MFNG: variants seen among roughly 807,000 people sequenced by gnomAD.
MFNG encodes the protein beta-1,3-N-acetylglucosaminyltransferase manic fringe.
A neutral mutation model predicts 34.2 loss-of-function variants in MFNG; 24 were observed. The observed-to-expected ratio is 0.70, with a 90% CI of 0.51 to 0.99. The LOEUF is 0.99. MFNG is among the 50% of genes least tolerant of loss of function. The pLI, the probability that MFNG is intolerant of heterozygous loss-of-function variation, is 0.00. For synonymous variants in MFNG, 158 were observed against 179.2 expected (o/e 0.88, Z 0.94); for missense variants, 383 against 424.0 (o/e 0.90, Z 0.85).
rs542183212 is a variant in MFNG at position 37,485,372 on chromosome 22, G to A, written c.255+551C>T. ...ACACCCGGGGCAGCAGAGACACAGCGGCAGGGGCTATCGGGAAGGCCGAAG... is the reference window on the plus strand; with the variant it reads ...ACACCCGGGGCAGCAGAGACACAGCAGCAGGGGCTATCGGGAAGGCCGAAG... On this transcript the variant is annotated intron_variant, in intron 1 of 7. Coordinates refer to ENST00000356998, the MANE Select transcript of MFNG (RefSeq NM_002405.4). The surrounding 1 kb of genome is among the most constrained non-coding windows in gnomAD (Gnocchi z 5.3). Among the ~76,000 whole-genome samples, 7 of 152,336 alleles carry A rather than the reference G, an allele frequency of 4.6e-5. No homozygotes were observed. Among genetic ancestry groups the A allele is most frequent in the East Asian group, 1.9e-4 (1 of 5,178 alleles).
intron 3 of MFNG, among the ~76,000 whole-genome samples, 174 bp downstream of exon 3, chr22:37,480,015 GCCATTTTC>G (rs1922220497): frequency 1.3e-5 from 2 of 151,740 alleles, no homozygotes; most frequent in South Asian, 4.2e-4. Context: ...AAAAAAAAAA[GCCATTTTC>G]CCAAGGTCAC....
intron 6 of MFNG, among the ~76,000 whole-genome samples, chr22:37,473,715 A>C (rs1288369373): frequency 6.6e-6 from 1 of 152,212 alleles, no homozygotes; most frequent in Non-Finnish European, 1.5e-5. Flanking sequence ...CTCTCCTCCG[A>C]TAGTGGGGGG....
chr22:37,486,098 T>A lies in MFNG; in HGVS notation c.80A>T (p.His27Leu), dbSNP rs753916549. The A allele has an allele frequency of 1.1e-5, 18 of 1,612,684 alleles. 1 individual carries two copies. In the East Asian group the frequency reaches 1.6e-4, roughly 14 times the overall value. ...TACCCGCTGCGGGGACAGGTTCAAG[T>A]GGTACCGCAGACACAGGAGCCCCAT... ...LCMGLLCLRY[H>L]LNLSPQRVQG... The change falls in exon 1 of 8, where the codon CAC (histidine) becomes CTC (leucine). Residue 27 changes from histidine to leucine, a missense_variant. Physicochemically the swap from His to Leu is moderately conservative, Grantham distance 99 (BLOSUM62 -3). Transcript: ENST00000356998.
At position 37,482,856 on chromosome 22, in the gene MFNG, C is replaced by G. The variant is rs1922365611; in HGVS notation, c.256-2087G>C. Reference sequence around the variant, plus strand: ...GTCAGATTTAGCGAATGCTGGAGGTCTCTGGATTTCCGCAGGGGGAAATGG... The same window carrying G: ...GTCAGATTTAGCGAATGCTGGAGGTGTCTGGATTTCCGCAGGGGGAAATGG... On this transcript the variant is annotated intron_variant, in intron 1 of 7. Coordinates refer to ENST00000356998, the MANE Select transcript of MFNG (RefSeq NM_002405.4). This position sits in a 1 kb window ranked among gnomAD's most constrained non-coding sequence, Gnocchi z 4.1. 2.0e-5 allele frequency among the ~76,000 whole-genome samples: 3 copies of G among 152,290 alleles called. No homozygotes were observed. In the South Asian group the frequency reaches 6.2e-4, roughly 32 times the overall value.
rs796217351 is a variant in MFNG, at chr22:37,473,428, CA to C, written c.814-901del. 7.4e-3 allele frequency among the ~76,000 whole-genome samples: 1,069 copies of C among 143,894 alleles called. 8 individuals carry two copies. Among genetic ancestry groups the C allele is most frequent in the African/African-American group, 0.024 (955 of 39,358 alleles). The allele number at this position is 143,894 out of a possible 152,430, so 94.4% of individuals were successfully genotyped here. On this transcript the variant is annotated intron_variant, in intron 6 of 7. Coordinates refer to ENST00000356998, the MANE Select transcript of MFNG (RefSeq NM_002405.4). ...TGGGCAACAGAGCGAGACTCTATCTCAAAAAAAAAAAGAAGGGAAGGACCCC... is the reference window on the plus strand; with the variant it reads ...TGGGCAACAGAGCGAGACTCTATCTCAAAAAAAAAAGAAGGGAAGGACCCC...
intron 7 of MFNG, among the ~76,000 whole-genome samples, chr22:37,471,281 T>C (rs892973146): frequency 7.2e-5 from 11 of 152,224 alleles, no homozygotes; most frequent in African/African-American, 2.7e-4. Context: ...ACCCATTGCA[T>C]GTCACTACAA....
chr22:37,478,233 G>A (rs1345740378), intron 4 of MFNG, among the ~76,000 whole-genome samples: 2 of 152,080 alleles, frequency 1.3e-5, no homozygotes, highest in African/African-American at 2.4e-5. Flanking sequence ...GTTGAGCCCC[G>A]CTGTGTGCCC....
At chr22:37,480,136 C>A in intron 3 of MFNG, 61 bp downstream of exon 3, 2 of 1,388,868 alleles carry the variant, frequency 1.4e-6, no homozygotes, top group Admixed American at 3.6e-5. Flanking sequence ...CCCAGGAGTC[C>A]CAGGGGTTAT....
rs1922179079 is a variant in MFNG, at chr22:37,479,323, AAG to A, written c.561+20_561+21del. ...CTTGGGATCAGCGGGCCAAGGGGCA[AAG>A]GAGGAGGAGAGGGACCCACCGTGCG... On this transcript the variant is annotated intron_variant, in intron 4 of 7. Coordinates refer to ENST00000356998, the MANE Select transcript of MFNG (RefSeq NM_002405.4). 2 of 1,542,492 alleles carry A rather than the reference AAG, an allele frequency of 1.3e-6. No individual in the cohort carries two copies. Among genetic ancestry groups the A allele is most frequent in the Non-Finnish European group, 1.7e-6 (2 of 1,145,438 alleles).
rs1193277947 is a variant in MFNG at position 37,482,809 on chromosome 22, T to C, written c.256-2040A>G. On this transcript the variant is annotated intron_variant, in intron 1 of 7. Transcript: ENST00000356998. This position sits in a 1 kb window ranked among gnomAD's most constrained non-coding sequence, Gnocchi z 4.1. ...GCAGCATCCACCCTCTGAGCCTCTC[T>C]CCCTGGGGTCTGTCTCCCACCGTCA... Among the ~76,000 whole-genome samples the C allele has an allele frequency of 6.6e-6, 1 of 152,152 alleles. No individual in the cohort carries two copies. The highest frequency in any genetic ancestry group is 2.4e-5 in the African/African-American group (1 of 41,444).
chr22:37,472,641 G>A (rs1569155780), intron 6 of MFNG, 113 bp from the exon 7 acceptor site: 6 of 1,060,734 alleles, frequency 5.7e-6, no homozygotes, highest in Non-Finnish European at 8.1e-6. Context: ...AGCTGCCCGG[G>A]AACCTGAAAT....
intron 7 of MFNG, among the ~76,000 whole-genome samples, chr22:37,470,906 C>G (rs565750216): frequency 6.6e-6 from 1 of 152,320 alleles, no homozygotes; most frequent in East Asian, 1.9e-4. Flanking sequence ...TGCTATCAGG[C>G]CTTTGCATAT....
In MFNG at chr22:37,482,569, G is replaced by A. The variant is rs1199939017; in HGVS notation, c.256-1800C>T. ...GCTCAGGCATCACCTTCCCCAGGAAGCCTTCCCTGACACCCCTCCAGCTAC... is the reference window on the plus strand; with the variant it reads ...GCTCAGGCATCACCTTCCCCAGGAAACCTTCCCTGACACCCCTCCAGCTAC... On this transcript the variant is annotated intron_variant, in intron 1 of 7. Transcript: ENST00000356998. The surrounding 1 kb of genome is among the most constrained non-coding windows in gnomAD (Gnocchi z 4.1). Among the ~76,000 whole-genome samples the A allele has an allele frequency of 6.6e-6, 1 of 152,104 alleles. No homozygotes were observed. Among genetic ancestry groups the A allele is most frequent in the African/African-American group, 2.4e-5 (1 of 41,398 alleles).
At chr22:37,474,442 AGGGTTGG>A in intron 6 of MFNG, 63 bp downstream of exon 6, 1 of 1,553,684 alleles carries the variant, frequency 6.4e-7, no homozygotes, top group Non-Finnish European at 8.8e-7. Flanking sequence ...GCCAGGAGGG[AGGGTTGG>A]GGGGACCCCA....
rs756612988 is a variant in MFNG at position 37,479,381 on chromosome 22, G to C, written c.525C>G (p.Pro175=). 5 of 1,604,098 alleles carry C rather than the reference G, an allele frequency of 3.1e-6. No individual in the cohort carries two copies. In the South Asian group the frequency reaches 5.6e-5, roughly 18 times the overall value. Residue 175 remains proline (P), a synonymous_variant, in exon 4 of 8, where the codon CCC becomes CCG. Coordinates refer to ENST00000356998, the MANE Select transcript of MFNG (RefSeq NM_002405.4). ...GGGGCTGTGGCTCTGAGGCATGGAT[G>C]GGCCGGTTCAGGCTGGGCCTTCCCA... ...VYVGRPSLNR[P]IHASEPQPHN...
intron 4 of MFNG, 45 bp from the exon 5 acceptor site, chr22:37,477,026 T>C: frequency 1.3e-6 from 2 of 1,572,410 alleles, no homozygotes; most frequent in Non-Finnish European, 1.8e-6. Flanking sequence ...CTGGTGGCAG[T>C]TGTGGGGAAA....
chr22:37,485,284 T>C lies in MFNG; in HGVS notation c.255+639A>G, dbSNP rs1922492702. ...GCCACCCTCGTGGCATGCGCTCTCC[T>C]TCCCTCCCTCGGAAGCAGTCCGCAG... is the stretch of plus-strand genomic sequence containing the variant. On this transcript the variant is annotated intron_variant, in intron 1 of 7. Coordinates refer to ENST00000356998, the MANE Select transcript of MFNG (RefSeq NM_002405.4). This position sits in a 1 kb window ranked among gnomAD's most constrained non-coding sequence, Gnocchi z 5.3. Among the ~76,000 whole-genome samples, 1 of 152,076 alleles carries C rather than the reference T, an allele frequency of 6.6e-6. No individual in the cohort carries two copies. Among genetic ancestry groups the C allele is most frequent in the South Asian group, 2.1e-4 (1 of 4,820 alleles).
In MFNG at chr22:37,469,508, T is replaced by C. The variant is rs1251327572; in HGVS notation, c.*455A>G. 12 of 299,158 alleles carry C rather than the reference T, an allele frequency of 4.0e-5. No individual in the cohort carries two copies. In the East Asian group the frequency reaches 1.0e-3, roughly 26 times the overall value. 18.5% of individuals were successfully genotyped at this position (299,158 alleles called of 1,614,324 possible). A position where few individuals can be genotyped will look rare whatever the true frequency, so the allele number is the denominator to read the frequency against. On this transcript the variant is annotated 3_prime_UTR_variant, in exon 8 of 8. Coordinates refer to ENST00000356998, the MANE Select transcript of MFNG (RefSeq NM_002405.4). ...GGATTCTGCCATCATTCCACCCATG[T>C]CCCTTCAGGAACTCGGGACACAGAT...
chr22:37,473,450 AC>A (rs1359230007), intron 6 of MFNG, among the ~76,000 whole-genome samples: 2 of 150,776 alleles, frequency 1.3e-5, no homozygotes, highest in Non-Finnish European at 3.0e-5. Flanking sequence ...GAAGGGAAGG[AC>A]CCCAGTGTGG....
Sources: allele counts gnomAD v4.1 joint callset (sites outside exome capture counted in the v4.1 genomes callset), GRCh38; gene constraint gnomAD v4.1.1; non-coding constraint Gnocchi (gnomAD v3.1); transcripts MANE v1.5; gene names NCBI Gene and HGNC (gene_info 2026-07-23, HGNC 2026-07-21).